RANBP2: variants seen among roughly 807,000 people sequenced by gnomAD.
RANBP2 encodes RAN binding protein 2, also known as E3 SUMO-protein ligase RanBP2.
Under a neutral mutation model 303.6 loss-of-function variants are expected in RANBP2, and 57 were observed. The ratio of observed to expected loss-of-function variants is 0.19; its 90% confidence interval spans 0.15 to 0.23. The LOEUF (loss-of-function observed/expected upper bound fraction) is 0.23, where lower values mean the gene tolerates loss of function less well. RANBP2 is among the 10% of genes least tolerant of loss of function. RANBP2 has a pLI of 1.00. For missense variants in RANBP2, 3,138 were observed against 3,780.8 expected (o/e 0.83, Z 4.46); for synonymous variants, 1,167 against 1,301.5 (o/e 0.90, Z 2.23).
At chr2:109,282,586 A>G in the RANBP2 span, among the ~76,000 whole-genome samples, 1 of 152,010 alleles carries the variant, frequency 6.6e-6, no homozygotes, top group African/African-American at 2.4e-5. Flanking sequence ...TGGCCAGGAG[A>G]ACGGCGCACA....
chr2:109,274,351 T>A, the RANBP2 span, among the ~76,000 whole-genome samples: 2 of 152,208 alleles, frequency 1.3e-5, no homozygotes, highest in Non-Finnish European at 2.9e-5. Context: ...AGCAGCCCTA[T>A]TTACACAGTA....
the RANBP2 span, among the ~76,000 whole-genome samples, chr2:109,296,627 A>G: frequency 6.6e-6 from 1 of 152,122 alleles, no homozygotes; most frequent in Non-Finnish European, 1.5e-5. Flanking sequence ...ACTCAGGGTA[A>G]ATGAGCTGGG....
the RANBP2 span, among the ~76,000 whole-genome samples, chr2:109,418,248 C>T: frequency 1.3e-5 from 2 of 152,110 alleles, no homozygotes; most frequent in Non-Finnish European, 2.9e-5. Context: ...TGTCTCCCTC[C>T]TTGAAGGGAG....
At chr2:108,932,741 AGGAGAT>A in the RANBP2 span, among the ~76,000 whole-genome samples, 1 of 152,126 alleles carries the variant, frequency 6.6e-6, no homozygotes, top group East Asian at 1.9e-4. Context: ...ATGGTCCTTT[AGGAGAT>A]GCACCCAATG....
At chr2:109,543,384 AT>A in the RANBP2 span, 3 of 152,308 alleles carry the variant, frequency 2.0e-5, no homozygotes, top group African/African-American at 7.2e-5. Flanking sequence ...TTTTAAAGAT[AT>A]TTTGTTTCAC....
chr2:108,961,971 A>G, the RANBP2 span, among the ~76,000 whole-genome samples: 1 of 152,236 alleles, frequency 6.6e-6, no homozygotes, highest in Non-Finnish European at 1.5e-5. Context: ...AAAGAGGGGA[A>G]GCGCAGCTGT....
chr2:109,091,509 C>T, the RANBP2 span, among the ~76,000 whole-genome samples: 1 of 152,176 alleles, frequency 6.6e-6, no homozygotes, highest in Admixed American at 6.5e-5. Flanking sequence ...GCCAGCTCTG[C>T]GTGCATTACT....
At chr2:109,291,423 A>G in the RANBP2 span, among the ~76,000 whole-genome samples, 342 of 152,174 alleles carry the variant, frequency 2.2e-3, 2 homozygotes, top group African/African-American at 8.0e-3. Flanking sequence ...AGTTCCTGCA[A>G]TCTCGCCTGG....
At chr2:109,051,992 C>T in the RANBP2 span, among the ~76,000 whole-genome samples, 5 of 152,212 alleles carry the variant, frequency 3.3e-5, no homozygotes, top group African/African-American at 4.8e-5. Flanking sequence ...TGGTGATCCG[C>T]CCGCCTCGGC....
chr2:108,771,041 CTT>C (rs1366901413), intron 20 of RANBP2, among the ~76,000 whole-genome samples: 3 of 151,976 alleles, frequency 2.0e-5, no homozygotes, highest in Non-Finnish European at 4.4e-5. Flanking sequence ...AGTTTTTTCT[CTT>C]TCTAATTTTT....
the RANBP2 span, among the ~76,000 whole-genome samples, chr2:109,577,128 G>C: frequency 5.9e-5 from 9 of 152,252 alleles, no homozygotes; most frequent in Admixed American, 2.6e-4. Context: ...TAATAGCAAA[G>C]ATAGAAGCCA....
At chr2:109,490,709 C>T in the RANBP2 span, 5 of 1,534,150 alleles carry the variant, frequency 3.3e-6, no homozygotes, top group Admixed American at 2.0e-5. Flanking sequence ...CCCAGGTGGC[C>T]GTGGACGCCC....
chr2:109,657,458 CAA>C, the RANBP2 span, among the ~76,000 whole-genome samples: 5 of 151,980 alleles, frequency 3.3e-5, no homozygotes, highest in Admixed American at 2.6e-4. Context: ...AAAAAACAAA[CAA>C]AAGCGAAAAC....
the RANBP2 span, among the ~76,000 whole-genome samples, chr2:108,942,046 G>C: frequency 2.0e-5 from 3 of 152,246 alleles, no homozygotes; most frequent in South Asian, 6.2e-4. Flanking sequence ...GAGAAAGTTC[G>C]CTGGGCTTCT....
the RANBP2 span, chr2:109,667,236 G>A: frequency 2.2e-5 from 21 of 965,806 alleles, no homozygotes; most frequent in African/African-American, 2.8e-4. Context: ...AGCAAACGCA[G>A]GCAAGGTGCT....
chr2:109,738,025 G>A, the RANBP2 span, among the ~76,000 whole-genome samples: 1 of 151,694 alleles, frequency 6.6e-6, no homozygotes, highest in East Asian at 1.9e-4. Context: ...CTCCCATTCT[G>A]CAAGTTGACT....
At chr2:109,191,237 A>C in the RANBP2 span, among the ~76,000 whole-genome samples, 1 of 152,178 alleles carries the variant, frequency 6.6e-6, no homozygotes, top group African/African-American at 2.4e-5. Flanking sequence ...TGCTTAAAAA[A>C]GTGGACGGGA....
chr2:109,287,472 G>T, the RANBP2 span, among the ~76,000 whole-genome samples: 1 of 152,190 alleles, frequency 6.6e-6, no homozygotes, highest in Non-Finnish European at 1.5e-5. Context: ...ATACCTAAGA[G>T]AGATACCTCC....
the RANBP2 span, among the ~76,000 whole-genome samples, chr2:109,322,353 A>G: frequency 6.6e-6 from 1 of 152,202 alleles, no homozygotes; most frequent in East Asian, 1.9e-4. Context: ...ACATTTCAAC[A>G]TGTGCCGAAA....
Sources: allele counts gnomAD v4.1 joint callset (sites outside exome capture counted in the v4.1 genomes callset), GRCh38; gene constraint gnomAD v4.1.1; transcripts MANE v1.5; gene names NCBI Gene and HGNC (gene_info 2026-07-23, HGNC 2026-07-21).